The following SLC27A3 variants were observed in gnomAD, a reference collection of about 807,000 sequenced individuals.
SLC27A3 encodes the protein solute carrier family 27 member 3, also known as long-chain fatty acid transport protein 3.
Under a neutral mutation model 60.1 loss-of-function variants are expected in SLC27A3, and 60 were observed. The observed-to-expected ratio is 1.00, with a 90% CI of 0.81 to 1.24. SLC27A3 has a LOEUF of 1.24. Among genes scored for constraint, SLC27A3 ranks in the 50% most tolerant of loss-of-function variants. The pLI, the probability that SLC27A3 is intolerant of heterozygous loss-of-function variation, is 0.00. For missense variants in SLC27A3, 1,079 were observed against 929.9 expected (o/e 1.16, Z -2.09); for synonymous variants, 455 against 409.0 (o/e 1.11, Z -1.36).
intron 3 of SLC27A3, 37 bp downstream of exon 3, chr1:153,777,257 A>C: frequency 6.2e-7 from 1 of 1,611,396 alleles, no homozygotes; most frequent in East Asian, 2.2e-5. Context: ...TAATTCATCC[A>C]GTAGACATTT....
intron 2 of SLC27A3, 142 bp downstream of exon 2, chr1:153,776,869 C>A: frequency 1.1e-6 from 1 of 929,530 alleles, no homozygotes; most frequent in Non-Finnish European, 1.6e-6. Flanking sequence ...ATTTCACTCC[C>A]CAGTCTCCTC....
At position 153,777,728 on chromosome 1, in the gene SLC27A3, C is replaced by A. The variant is rs775838387; in HGVS notation, c.1037-33C>A. 82 of 1,524,428 alleles carry A rather than the reference C, an allele frequency of 5.4e-5. No individual in the cohort carries two copies. The African/African-American group carries it at 1.2e-3, about 21-fold the overall frequency. The allele number at this position is 1,524,428 out of a possible 1,614,324, so 94.4% of individuals were successfully genotyped here. A position where few individuals can be genotyped will look rare whatever the true frequency, so the allele number is the denominator to read the frequency against. On this transcript the variant is annotated intron_variant, in intron 3 of 9. Coordinates refer to ENST00000624995, the MANE Select transcript of SLC27A3 (RefSeq NM_024330.4). ...GCTCCCCACTCTGCTCCTAATCTTA[C>A]CTCCCTTCTTCCCCCCTGCCCACTT...
In SLC27A3 at chr1:153,779,142, G is replaced by A. The variant is rs547168142; in HGVS notation, c.1675G>A (p.Glu559Lys). Residue 559 changes from glutamate (E) to lysine (K), a missense_variant, in exon 8 of 10, where the codon GAG (glutamate) becomes AAG (lysine). By Grantham distance (56) the Glu-to-Lys change is moderately conservative. Coordinates refer to ENST00000624995, the MANE Select transcript of SLC27A3 (RefSeq NM_024330.4). ...GAAGGGGGAGAATGTGGCCACAACCGAGGTGGCAGAGGTCTTCGAGGCCCT... is the reference window on the plus strand; with the variant it reads ...GAAGGGGGAGAATGTGGCCACAACCAAGGTGGCAGAGGTCTTCGAGGCCCT... ...RWKGENVATTEVAEVFEALDF... is the reference protein window; with the variant it reads ...RWKGENVATTKVAEVFEALDF... 43 of 1,614,158 alleles carry A rather than the reference G, an allele frequency of 2.7e-5. No homozygotes were observed. The highest frequency in any genetic ancestry group is 2.2e-4 in the East Asian group (10 of 44,872).
chr1:153,776,489 C>T (rs1465838396), intron 1 of SLC27A3, 29 bp from the exon 2 acceptor site: 2 of 1,594,150 alleles, frequency 1.3e-6, no homozygotes, highest in African/African-American at 1.3e-5. Context: ...GAGCCAGGGC[C>T]CCGGCGTTGT....
chr1:153,776,269 C>G, intron 1 of SLC27A3, 105 bp downstream of exon 1: 1 of 1,416,716 alleles, frequency 7.1e-7, no homozygotes, highest in Non-Finnish European at 9.2e-7. Context: ...GGGAAGAAGC[C>G]GACTATCCCT....
intron 3 of SLC27A3, 187 bp downstream of exon 3, chr1:153,777,407 G>A: frequency 1.4e-6 from 1 of 718,056 alleles, no homozygotes; most frequent in Admixed American, 2.9e-5. Flanking sequence ...CGGTGAGGGG[G>A]GCCATACAGC....
At chr1:153,778,096 G>A in intron 4 of SLC27A3, 65 bp from the exon 5 acceptor site, 1 of 1,547,450 alleles carries the variant, frequency 6.5e-7, no homozygotes, top group Non-Finnish European at 8.7e-7. Flanking sequence ...ATGGGGAACA[G>A]GAATTCACTT....
At chr1:153,777,365 A>G in intron 3 of SLC27A3, 145 bp downstream of exon 3, 1 of 983,426 alleles carries the variant, frequency 1.0e-6, no homozygotes, top group Non-Finnish European at 1.5e-6. Flanking sequence ...CAATAGGGCA[A>G]TGTCACCTGC....
rs1411511962 is a variant in SLC27A3, at chr1:153,777,775, C to T, written c.1051C>T (p.Leu351=). Residue 351 remains leucine (L), a synonymous_variant, in exon 4 of 10, where the codon CTG becomes TTG. Transcript: ENST00000624995. The part of the protein sequence containing the change: ...GCMGIGATVV[L]KSKFSAGQFW... ...ACTTCTGGCAGGGGCCACAGTGGTG[C>T]TGAAATCCAAGTTCTCGGCTGGTCA... 6.2e-7 allele frequency: 1 copy of T among 1,614,054 alleles called. No individual in the cohort carries two copies. Among genetic ancestry groups the T allele is most frequent in the African/African-American group, 1.3e-5 (1 of 74,938 alleles).
intron 1 of SLC27A3, 143 bp downstream of exon 1, chr1:153,776,307 A>G: frequency 7.1e-7 from 1 of 1,408,622 alleles, no homozygotes; most frequent in Non-Finnish European, 9.3e-7. Flanking sequence ...TGGAGATAGG[A>G]GTCTCCGGGT....
chr1:153,777,305 ATAATC>A, intron 3 of SLC27A3, 85 bp downstream of exon 3: 7 of 1,510,484 alleles, frequency 4.6e-6, no homozygotes, highest in Non-Finnish European at 6.4e-6. Context: ...TCCAGGGTAG[ATAATC>A]TAGAGGACGG....
Position 153,778,182 on chromosome 1 carries a change from A to C in SLC27A3, c.1183A>C (p.Lys395Gln). The change falls in exon 5 of 10, where the codon AAG becomes CAG. Residue 395 changes from lysine (K) to glutamine (Q), a missense_variant. Coordinates refer to ENST00000624995, the MANE Select transcript of SLC27A3 (RefSeq NM_024330.4). ...TCAGAGCAAGGCAGAACGTGGCCAT[A>C]AGGTCCGGCTGGCAGTGGGCAGCGG... The part of the protein sequence containing the change: ...QPPSKAERGH[K>Q]VRLAVGSGLR... 1 of 1,610,802 alleles carries C rather than the reference A, an allele frequency of 6.2e-7. No individual in the cohort carries two copies. The highest frequency in any genetic ancestry group is 8.5e-7 in the Non-Finnish European group (1 of 1,179,726).
intron 9 of SLC27A3, 56 bp downstream of exon 9, chr1:153,779,529 T>C: frequency 6.4e-7 from 1 of 1,571,092 alleles, no homozygotes; most frequent in Non-Finnish European, 8.6e-7. Flanking sequence ...ACCCCACATA[T>C]CCACCCCGTG....
In SLC27A3 at chr1:153,775,624, A is replaced by G. The variant is rs921664529; in HGVS notation, c.127A>G (p.Lys43Glu). Residue 43 changes from lysine to glutamate, a missense_variant, in exon 1 of 10, where the codon AAA becomes GAA. Lys to Glu is a moderately conservative substitution (Grantham distance 56). Coordinates refer to ENST00000624995, the MANE Select transcript of SLC27A3 (RefSeq NM_024330.4). ...LAFAVRALCCKRALRARALAA... is the reference protein window; with the variant it reads ...LAFAVRALCCERALRARALAA... ...CTTTGCGGTGCGAGCTCTGTGCTGC[A>G]AAAGGGCTCTTCGAGCTCGCGCCCT... The G allele has an allele frequency of 8.3e-6, 13 of 1,567,872 alleles. No homozygotes were observed. Among genetic ancestry groups the G allele is most frequent in the Non-Finnish European group, 1.1e-5 (13 of 1,158,318 alleles).
Position 153,775,960 on chromosome 1 carries a change from G to A in SLC27A3, c.463G>A (p.Ala155Thr), listed in dbSNP as rs771733267. 20 of 1,441,212 alleles carry A rather than the reference G, an allele frequency of 1.4e-5. No homozygotes were observed. The highest frequency in any genetic ancestry group is 1.5e-5 in the Non-Finnish European group (17 of 1,104,432). The allele number at this position is 1,441,212 out of a possible 1,614,324, so 89.3% of individuals were successfully genotyped here. A position where few individuals can be genotyped will look rare whatever the true frequency, so the allele number is the denominator to read the frequency against. ...GGAGTTTGCCGGAGGGGACGGTGCC[G>A]CCAGAGGTGGAGGAGCCGCCGCCCC... Reference protein sequence around the residue: ...GAEFAGGDGAARGGGAAAPLS... With the variant: ...GAEFAGGDGATRGGGAAAPLS... Residue 155 changes from alanine (A) to threonine (T), a missense_variant, in exon 1 of 10, where the codon GCC becomes ACC. Ala to Thr is a moderately conservative substitution (Grantham distance 58). Transcript: ENST00000624995.
chr1:153,776,178 T>G lies in SLC27A3; in HGVS notation c.667+14T>G. On this transcript the variant is annotated intron_variant, in intron 1 of 9. Coordinates refer to ENST00000624995, the MANE Select transcript of SLC27A3 (RefSeq NM_024330.4). ...TGCTGGCGCCAGGTAAGGCTGGAGC[T>G]CCGAACTGACTAAGGCGGGGCCAGC... The G allele has an allele frequency of 7.1e-7, 1 of 1,413,414 alleles. No homozygotes were observed. Among genetic ancestry groups the G allele is most frequent in the South Asian group, 1.5e-5 (1 of 64,772 alleles). 87.6% of individuals were successfully genotyped at this position (1,413,414 alleles called of 1,614,324 possible).
Position 153,775,982 on chromosome 1 carries a change from C to G in SLC27A3, c.485C>G (p.Ala162Gly), listed in dbSNP as rs141472958. ...DGAARGGGAAAPLSPGATVAL... is the reference protein window; with the variant it reads ...DGAARGGGAAGPLSPGATVAL... ...GCCGCCAGAGGTGGAGGAGCCGCCG[C>G]CCCTCTGTCACCTGGAGCAACTGTG... The change falls in exon 1 of 10, where the codon GCC (alanine) becomes GGC (glycine). Residue 162 changes from alanine (A) to glycine (G), a missense_variant. By Grantham distance (60) the Ala-to-Gly change is moderately conservative (BLOSUM62 0). Coordinates refer to ENST00000624995, the MANE Select transcript of SLC27A3 (RefSeq NM_024330.4). The G allele has an allele frequency of 2.1e-6, 3 of 1,445,826 alleles. No homozygotes were observed. The East Asian group carries it at 8.1e-5, about 39-fold the overall frequency. The allele number at this position is 1,445,826 out of a possible 1,614,324, so 89.6% of individuals were successfully genotyped here.
chr1:153,778,248 G>C lies in SLC27A3; in HGVS notation c.1249G>C (p.Gly417Arg). 1.9e-6 allele frequency: 3 copies of C among 1,614,010 alleles called. No homozygotes were observed. Among genetic ancestry groups the C allele is most frequent in the Non-Finnish European group, 2.5e-6 (3 of 1,180,020 alleles). Residue 417 changes from glycine (G) to arginine (R), a missense_variant, in exon 5 of 10, where the codon GGG (glycine) becomes CGG (arginine). Physicochemically the swap from Gly to Arg is moderately radical, Grantham distance 125. Coordinates refer to ENST00000624995, the MANE Select transcript of SLC27A3 (RefSeq NM_024330.4). ...DTWERFVRRF[G>R]PLQVLETYGL... ...CTGGGAGCGTTTTGTGCGGCGCTTC[G>C]GGCCCCTGCAGGTGCTGGAGACATA...
chr1:153,780,145 T>G lies in SLC27A3; in HGVS notation c.*143T>G, dbSNP rs1341999849. 1 of 713,186 alleles carries G rather than the reference T, an allele frequency of 1.4e-6. No individual in the cohort carries two copies. The highest frequency in any genetic ancestry group is 2.9e-5 in the Admixed American group (1 of 35,060). The allele number at this position is 713,186 out of a possible 1,614,324, so 44.2% of individuals were successfully genotyped here. ...AATGTGGCTGGAGCTGATCCAGCTG[T>G]CTCTGACCTACAGTATCTGTCATTA... On this transcript the variant is annotated 3_prime_UTR_variant, in exon 10 of 10. Coordinates refer to ENST00000624995, the MANE Select transcript of SLC27A3 (RefSeq NM_024330.4).
Sources: gnomAD v4.1 joint callset for allele counts on GRCh38, gnomAD v4.1.1 for gene constraint, MANE v1.5 for transcripts, NCBI Gene and HGNC (gene_info 2026-07-23, HGNC 2026-07-21) for gene names.